MTRF1: variants seen among roughly 807,000 people sequenced by gnomAD.
MTRF1 encodes mitochondrial translation release factor 1.
Under a neutral mutation model 62.9 loss-of-function variants are expected in MTRF1, and 51 were observed. The observed-to-expected ratio is 0.81, with a 90% CI of 0.65 to 1.02. The LOEUF (loss-of-function observed/expected upper bound fraction) is 1.02. Among genes scored for constraint, MTRF1 ranks in the 50% least tolerant of loss-of-function variants. The probability of loss-of-function intolerance (pLI) is 0.00; values close to 1 mark genes in which losing one functional copy is unlikely to be tolerated. For missense variants in MTRF1, 446 were observed against 530.0 expected (o/e 0.84, Z 1.56); for synonymous variants, 158 against 181.9 (o/e 0.87, Z 1.06).
chr13:41,249,604 C>G (rs1385646247), intron 5 of MTRF1, among the ~76,000 whole-genome samples: 1 of 95,844 alleles, frequency 1.0e-5, no homozygotes. Context: ...TATTCTTAGT[C>G]TTTGATTTTT....
chr13:41,284,947 C>T, the MTRF1 span, among the ~76,000 whole-genome samples: 1 of 152,130 alleles, frequency 6.6e-6, no homozygotes, highest in Non-Finnish European at 1.5e-5. Flanking sequence ...GCCACTGTGC[C>T]CGGCCTGTCA....
chr13:41,299,120 T>TGTG, the MTRF1 span, among the ~76,000 whole-genome samples: 1 of 150,652 alleles, frequency 6.6e-6, no homozygotes, highest in African/African-American at 2.4e-5. Context: ...TGTGTGTGTG[T>TGTG]GTGTGCAGGT....
intron 5 of MTRF1, among the ~76,000 whole-genome samples, chr13:41,243,279 C>T (rs557498201): frequency 3.3e-4 from 50 of 151,534 alleles, no homozygotes; most frequent in South Asian, 1.3e-3. Context: ...TGTGGTGGCA[C>T]GTGTCTGTAG....
the MTRF1 span, among the ~76,000 whole-genome samples, chr13:41,272,222 T>G: frequency 6.6e-6 from 1 of 152,228 alleles, no homozygotes; most frequent in African/African-American, 2.4e-5. Flanking sequence ...AAAGTGTCAG[T>G]GGTGCCTTTG....
chr13:41,302,674 TG>T, the MTRF1 span, among the ~76,000 whole-genome samples: 2 of 151,816 alleles, frequency 1.3e-5, no homozygotes, highest in African/African-American at 4.8e-5. Context: ...AGACCACAGG[TG>T]TGCACCACCA....
intron 5 of MTRF1, among the ~76,000 whole-genome samples, chr13:41,240,710 C>T (rs1434853248): frequency 2.0e-5 from 3 of 152,074 alleles, no homozygotes; most frequent in African/African-American, 2.4e-5. Context: ...AGGAAACATA[C>T]CAAAATATTA....
At chr13:41,269,268 C>A in the MTRF1 span, among the ~76,000 whole-genome samples, 1 of 130,996 alleles carries the variant, frequency 7.6e-6, no homozygotes, top group Non-Finnish European at 1.5e-5. Context: ...GGCTTGATCT[C>A]GGCTCACTGC....
At chr13:41,263,936 T>C (rs1015861801), upstream of MTRF1, among the ~76,000 whole-genome samples, 1 of 152,186 alleles carries the variant, frequency 6.6e-6, no homozygotes, top group Non-Finnish European at 1.5e-5. Context: ...TCCAGCCAAA[T>C]GTGGAGTTTT....
intron 5 of MTRF1, among the ~76,000 whole-genome samples, chr13:41,250,064 C>G (rs2038871730): frequency 1.3e-5 from 2 of 152,152 alleles, no homozygotes; most frequent in Non-Finnish European, 2.9e-5. Context: ...GTTTAGGCTG[C>G]TATACAAACC....
At chr13:41,273,060 C>T in the MTRF1 span, among the ~76,000 whole-genome samples, 3 of 152,224 alleles carry the variant, frequency 2.0e-5, no homozygotes, top group East Asian at 3.9e-4. Flanking sequence ...GGCATGGTGG[C>T]TCACGTCTGT....
At chr13:41,271,017 G>C in the MTRF1 span, among the ~76,000 whole-genome samples, 1 of 151,538 alleles carries the variant, frequency 6.6e-6, no homozygotes, top group Non-Finnish European at 1.5e-5. Flanking sequence ...GGGATTCTAG[G>C]TGTGAGCCAC....
intron 9 of MTRF1, among the ~76,000 whole-genome samples, chr13:41,219,368 A>G (rs1206002553): frequency 6.6e-6 from 1 of 152,166 alleles, no homozygotes. Context: ...AATTGATGTA[A>G]AAGGATTATC....
At chr13:41,289,823 A>G in the MTRF1 span, among the ~76,000 whole-genome samples, 2 of 152,114 alleles carry the variant, frequency 1.3e-5, no homozygotes, top group Non-Finnish European at 2.9e-5. Context: ...ACACCCAACC[A>G]CACATTGCAC....
intron 2 of MTRF1, among the ~76,000 whole-genome samples, chr13:41,254,914 T>G (rs2039515868): frequency 6.6e-6 from 1 of 152,278 alleles, no homozygotes; most frequent in Non-Finnish European, 1.5e-5. Flanking sequence ...TTAACAGTAG[T>G]AACAAAAATA....
chr13:41,295,815 T>C, the MTRF1 span, among the ~76,000 whole-genome samples: 6 of 152,228 alleles, frequency 3.9e-5, no homozygotes, highest in Admixed American at 6.5e-5. Flanking sequence ...AGGATCTTGC[T>C]TTGCTGCCCA....
intron 5 of MTRF1, among the ~76,000 whole-genome samples, chr13:41,247,555 TAGG>T (rs2038432727): frequency 1.3e-5 from 2 of 152,180 alleles, no homozygotes; most frequent in Non-Finnish European, 2.9e-5. Context: ...ACAGGCGAAA[TAGG>T]AGAGCTAAAT....
the MTRF1 span, among the ~76,000 whole-genome samples, chr13:41,284,052 A>C: frequency 7.6e-6 from 1 of 132,202 alleles, no homozygotes; most frequent in African/African-American, 2.5e-5. Flanking sequence ...GTGTTCAAAC[A>C]CACTAACTTT....
intron 1 of MTRF1, chr13:41,262,367 C>T (rs1051786525): frequency 4.0e-5 from 6 of 150,134 alleles, no homozygotes; most frequent in African/African-American, 1.5e-4. Flanking sequence ...AGAAACATAC[C>T]AAAATGTTAA....
At chr13:41,261,718 T>G in intron 1 of MTRF1, 2 of 796,338 alleles carry the variant, frequency 2.5e-6, no homozygotes, top group Non-Finnish European at 3.0e-6. Context: ...GTCGGCTGGA[T>G]GGAGACAGAG....
Sources: allele counts gnomAD v4.1 joint callset (sites outside exome capture counted in the v4.1 genomes callset), GRCh38; gene constraint gnomAD v4.1.1; transcripts MANE v1.5; gene names NCBI Gene and HGNC (gene_info 2026-07-23, HGNC 2026-07-21).